The following EIF3A variants were observed in gnomAD, a reference collection of about 807,000 sequenced individuals.
The protein encoded by EIF3A is eukaryotic translation initiation factor 3 subunit A.
EIF3A carries 21 observed loss-of-function variants against 186.6 expected under a neutral mutation model. That is an observed-to-expected ratio of 0.11 (90% CI 0.08 to 0.16). The LOEUF (loss-of-function observed/expected upper bound fraction) is 0.16. EIF3A is among the 10% of genes least tolerant of loss of function. The pLI, the probability that EIF3A is intolerant of heterozygous loss-of-function variation, is 1.00. For synonymous variants in EIF3A, 563 were observed against 584.3 expected, an observed-to-expected ratio of 0.96 and a Z score of 0.52; for missense variants, 1,306 against 1,796.3, an observed-to-expected ratio of 0.73 and a Z score of 4.93.
At chr10:119,059,450 A>G in intron 10 of EIF3A, 53 bp from the exon 11 acceptor site, 1 of 1,379,004 alleles carries the variant, frequency 7.3e-7, no homozygotes, top group Admixed American at 2.2e-5. Flanking sequence ...ATGAAGTCAA[A>G]AAGTAACAGA....
rs773767917 is a variant in EIF3A at position 119,042,726 on chromosome 10, T to C, written c.2794A>G (p.Arg932Gly). Residue 932 changes from arginine to glycine, a missense_variant, in exon 19 of 22, where the codon AGA becomes GGA. This residue lies in a region of EIF3A where 410 missense variants were observed against 473.5 expected (regional missense o/e 0.87). Coordinates refer to ENST00000369144, the MANE Select transcript of EIF3A (RefSeq NM_003750.4). This position sits in a 1 kb window ranked among gnomAD's most constrained non-coding sequence, Gnocchi z 7.8. The part of the protein sequence containing the change: ...EGRDEDRSHR[R>G]DEERPRRLGD... ...AGACGCCGGGGCCGCTCTTCATCTC[T>C]TCTATGAGACCTGTCCTCATCTCGC... The C allele has an allele frequency of 6.2e-7, 1 of 1,613,458 alleles. No individual in the cohort carries two copies. Among genetic ancestry groups the C allele is most frequent in the East Asian group, 2.2e-5 (1 of 44,880 alleles).
intron 5 of EIF3A, among the ~76,000 whole-genome samples, chr10:119,070,289 C>T (rs1844051423): frequency 6.6e-6 from 1 of 152,182 alleles, no homozygotes; most frequent in Non-Finnish European, 1.5e-5. Flanking sequence ...AGAGGACTAG[C>T]TTCCTAACAC....
At chr10:119,037,929 T>TC (rs1848156233) in intron 20 of EIF3A, among the ~76,000 whole-genome samples, 1 of 147,020 alleles carries the variant, frequency 6.8e-6, no homozygotes, top group Non-Finnish European at 1.5e-5. Flanking sequence ...TTTTTTTTTT[T>TC]TTTTGAGACG....
chr10:119,038,472 A>G, intron 19 of EIF3A, 33 bp from the exon 20 acceptor site: 1 of 1,547,852 alleles, frequency 6.5e-7, no homozygotes, highest in Non-Finnish European at 8.8e-7. Context: ...CATTTTTAAA[A>G]TATTTTTAAA....
chr10:119,038,493 G>T, intron 19 of EIF3A, 54 bp from the exon 20 acceptor site: 1 of 1,444,274 alleles, frequency 6.9e-7, no homozygotes, highest in Non-Finnish European at 9.5e-7. Context: ...AGAAGAAACA[G>T]ATTGGCAATC....
At position 119,038,244 on chromosome 10, in the gene EIF3A, C is replaced by T; in HGVS notation, c.3722G>A (p.Arg1241Lys). 6.2e-7 allele frequency: 1 copy of T among 1,613,656 alleles called. No individual in the cohort carries two copies. Among genetic ancestry groups the T allele is most frequent in the Non-Finnish European group, 8.5e-7 (1 of 1,179,756 alleles). The change falls in exon 20 of 22, where the codon AGA (arginine) becomes AAA (lysine). Residue 1241 changes from arginine to lysine, a missense_variant. Physicochemically the swap from Arg to Lys is conservative, Grantham distance 26. Transcript: ENST00000369144. ...RDVDREDRFR[R>K]PRDEGGWRRG... ...TTTAATTAGAGCATCACACCTAGGT[C>T]TTCTGAAGCGATCCTCTCGATCCAC... is the stretch of plus-strand genomic sequence containing the variant.
At position 119,061,623 on chromosome 10, in the gene EIF3A, C is replaced by A. The variant is rs1843888857; in HGVS notation, c.1123-295G>T. Among the ~76,000 whole-genome samples the A allele has an allele frequency of 2.0e-5, 3 of 152,034 alleles. No homozygotes were observed. In the South Asian group the frequency reaches 6.2e-4, roughly 32 times the overall value. On this transcript the variant is annotated intron_variant, in intron 7 of 21. Transcript: ENST00000369144. ...ATATTCACAAAGACAACTACTGTGG[C>A]CAATAGAATATTTTATTACCAATAA...
intron 17 of EIF3A, among the ~76,000 whole-genome samples, chr10:119,045,622 T>C (rs1440161699): frequency 1.3e-5 from 2 of 152,354 alleles, no homozygotes; most frequent in African/African-American, 4.8e-5. Context: ...ATGGCTCTTA[T>C]AGCCATTAAA....
intron 11 of EIF3A, among the ~76,000 whole-genome samples, 169 bp from the exon 12 acceptor site, chr10:119,058,472 T>C (rs906903572): frequency 7.2e-5 from 11 of 152,340 alleles, no homozygotes; most frequent in African/African-American, 2.6e-4. Context: ...AATGCTATGG[T>C]GTTGCTCCTA....
chr10:119,049,107 A>T (rs10787900), intron 17 of EIF3A, among the ~76,000 whole-genome samples: 29,478 of 152,154 alleles, frequency 0.19, 3,579 homozygotes, highest in East Asian at 0.34. Flanking sequence ...TAAGACAAGT[A>T]TAATTCTTCC....
chr10:119,070,400 G>A (rs777362643), intron 5 of EIF3A, among the ~76,000 whole-genome samples: 3 of 151,996 alleles, frequency 2.0e-5, no homozygotes, highest in Admixed American at 6.6e-5. Flanking sequence ...TAAAGGATTC[G>A]GTTTGTTTTA....
intron 1 of EIF3A, among the ~76,000 whole-genome samples, chr10:119,075,065 G>A (rs1404706456): frequency 2.2e-5 from 3 of 135,216 alleles, no homozygotes; most frequent in African/African-American, 5.5e-5. Context: ...CACCGCAACC[G>A]ATTCTCCTGC....
intron 21 of EIF3A, 34 bp downstream of exon 21, chr10:119,037,085 T>C: frequency 5.4e-6 from 3 of 559,842 alleles, no homozygotes; most frequent in Non-Finnish European, 9.2e-6. Flanking sequence ...AAACGACAGT[T>C]CTCCAATACT....
chr10:119,050,980 G>A (rs1848348855), intron 15 of EIF3A, among the ~76,000 whole-genome samples: 1 of 152,162 alleles, frequency 6.6e-6, no homozygotes, highest in African/African-American at 2.4e-5. Flanking sequence ...AACAAAAACA[G>A]TAAACAAAAC....
In EIF3A at chr10:119,069,435, A is replaced by G; in HGVS notation, c.950+11T>C. The G allele has an allele frequency of 1.6e-6, 2 of 1,238,876 alleles. No individual in the cohort carries two copies. The highest frequency in any genetic ancestry group is 2.4e-6 in the Non-Finnish European group (2 of 838,058). The allele number at this position is 1,238,876 out of a possible 1,614,324, so 76.7% of individuals were successfully genotyped here. ...CAGAATTTCAACATTATCCAAGTATAACATTTTTACCTTTGCATCTCATCT... is the reference window on the plus strand; with the variant it reads ...CAGAATTTCAACATTATCCAAGTATGACATTTTTACCTTTGCATCTCATCT... On this transcript the variant is annotated intron_variant, in intron 6 of 21. Coordinates refer to ENST00000369144, the MANE Select transcript of EIF3A (RefSeq NM_003750.4).
intron 17 of EIF3A, among the ~76,000 whole-genome samples, chr10:119,047,669 T>C (rs1848299008): frequency 6.6e-6 from 1 of 152,188 alleles, no homozygotes; most frequent in African/African-American, 2.4e-5. Flanking sequence ...CACACAACTT[T>C]GTGCTCAACA....
chr10:119,068,992 A>G (rs958559633), intron 6 of EIF3A, among the ~76,000 whole-genome samples: 9 of 144,340 alleles, frequency 6.2e-5, no homozygotes, highest in Admixed American at 1.4e-4. Context: ...AAAAAAAAAG[A>G]AAAGGAAAAA....
At position 119,065,547 on chromosome 10, in the gene EIF3A, G is replaced by C; in HGVS notation, c.974C>G (p.Ala325Gly). The C allele has an allele frequency of 1.9e-5, 30 of 1,611,304 alleles. No homozygotes were observed. Among genetic ancestry groups the C allele is most frequent in the Non-Finnish European group, 2.5e-5 (30 of 1,177,924 alleles). ...AGGAGTAATAGGGATGGAAAGAGTG[G>C]CTAAAAGGACTCTAGTAGACATTCT... ...MQRMSTRVLL[A>G]TLSIPITPER... is the part of the protein sequence containing the mutation. The change falls in exon 7 of 22, where the codon GCC becomes GGC. Residue 325 changes from alanine to glycine, a missense_variant. Coordinates refer to ENST00000369144, the MANE Select transcript of EIF3A (RefSeq NM_003750.4).
rs1381741852 is a variant in EIF3A, at chr10:119,035,566, A to C, written c.*473T>G. 1 of 152,980 alleles carries C rather than the reference A, an allele frequency of 6.5e-6. No homozygotes were observed. The highest frequency in any genetic ancestry group is 1.5e-5 in the Non-Finnish European group (1 of 68,352). The allele number at this position is 152,980 out of a possible 1,614,324, so 9.5% of individuals were successfully genotyped here. A position where few individuals can be genotyped will look rare whatever the true frequency, so the allele number is the denominator to read the frequency against. On this transcript the variant is annotated 3_prime_UTR_variant, in exon 22 of 22. Coordinates refer to ENST00000369144, the MANE Select transcript of EIF3A (RefSeq NM_003750.4). ...TTTAGTTTATGGTAAATACCTCAAA[A>C]TACCTAAAATAGGTACGTATCAACC... is the stretch of plus-strand genomic sequence containing the variant.
Sources: allele counts gnomAD v4.1 joint callset (sites outside exome capture counted in the v4.1 genomes callset), GRCh38; gene constraint gnomAD v4.1.1; regional missense constraint gnomAD v4.1.1; non-coding constraint Gnocchi (gnomAD v3.1); transcripts MANE v1.5; gene names NCBI Gene and HGNC (gene_info 2026-07-23, HGNC 2026-07-21).